Variants in VGLL3 observed in about 807,000 individuals in gnomAD.
VGLL3 encodes the protein vestigial like family member 3, also known as transcription cofactor vestigial-like protein 3.
VGLL3 carries 18 observed loss-of-function variants against 29.2 expected under a neutral mutation model. The observed-to-expected ratio is 0.62, with a 90% CI of 0.43 to 0.91. The LOEUF is 0.91. Among genes scored for constraint, VGLL3 ranks in the 40% least tolerant of loss-of-function variants. The pLI is 0.00. For synonymous variants in VGLL3, 180 were observed against 151.8 expected, an observed-to-expected ratio of 1.19 and a Z score of -1.36; for missense variants, 440 against 413.2, an observed-to-expected ratio of 1.06 and a Z score of -0.56.
At chr3:86,962,827 CCAAAATAGGGAAGCCAGCCTTCACTATT>C (rs574198579) in intron 3 of VGLL3, 10,509 of 147,450 alleles carry the variant, frequency 0.071, 1,428 homozygotes, top group African/African-American at 0.23. Flanking sequence ...ACCAGCCTGG[CCAAAATAGGGAAGCCAGCCTTCACTATT>C]CAAAATAGGG....
intron 1 of VGLL3, among the ~76,000 whole-genome samples, chr3:86,980,812 C>T (rs925292340): frequency 1.3e-5 from 2 of 151,514 alleles, no homozygotes; most frequent in Non-Finnish European, 2.9e-5. Flanking sequence ...GCTGAATATT[C>T]GGGCACATTA....
At chr3:86,960,514 A>C (rs1410385848) in intron 3 of VGLL3, among the ~76,000 whole-genome samples, 1 of 152,122 alleles carries the variant, frequency 6.6e-6, no homozygotes, top group East Asian at 1.9e-4. Flanking sequence ...AGTAAAGTTT[A>C]TTGCTATGAA....
At position 86,946,139 on chromosome 3, in the gene VGLL3, G is replaced by A. The variant is rs1159323488; in HGVS notation, c.*885C>T. ...CCTCTGGTTCCATTTATCAAATTTGGATGGGCTAGAAAGAGAATTAGTCTC... is the reference window on the plus strand; with the variant it reads ...CCTCTGGTTCCATTTATCAAATTTGAATGGGCTAGAAAGAGAATTAGTCTC... On this transcript the variant is annotated 3_prime_UTR_variant, in exon 4 of 4. Transcript: ENST00000398399. The A allele has an allele frequency of 6.6e-6, 1 of 151,944 alleles. No individual in the cohort carries two copies. Among genetic ancestry groups the A allele is most frequent in the African/African-American group, 2.4e-5 (1 of 41,346 alleles). The allele number at this position is 151,944 out of a possible 1,614,324, so 9.4% of individuals were successfully genotyped here.
At chr3:86,980,204 T>C (rs533441806) in intron 1 of VGLL3, among the ~76,000 whole-genome samples, 2 of 151,516 alleles carry the variant, frequency 1.3e-5, no homozygotes, top group Admixed American at 6.6e-5. Context: ...CACTCCAGAA[T>C]ACCCAGTAAT....
At chr3:86,964,188 G>T (rs2107002967) in intron 3 of VGLL3, among the ~76,000 whole-genome samples, 1 of 152,270 alleles carries the variant, frequency 6.6e-6, no homozygotes, top group East Asian at 1.9e-4. Flanking sequence ...AAGTTTTATT[G>T]GAACACAACT....
At chr3:86,970,487 A>G (rs1368316071) in intron 2 of VGLL3, among the ~76,000 whole-genome samples, 2 of 106,614 alleles carry the variant, frequency 1.9e-5, no homozygotes, top group Admixed American at 8.5e-5. Context: ...ACACACGCAC[A>G]CACACACACA....
At chr3:86,956,658 G>A (rs1169400192) in intron 3 of VGLL3, among the ~76,000 whole-genome samples, 3 of 151,830 alleles carry the variant, frequency 2.0e-5, no homozygotes, top group Admixed American at 2.0e-4. Flanking sequence ...TGTTGGCGGC[G>A]CCTGTAGTCC....
intron 3 of VGLL3, among the ~76,000 whole-genome samples, chr3:86,956,831 A>T (rs928544492): frequency 6.6e-6 from 1 of 151,580 alleles, no homozygotes; most frequent in Non-Finnish European, 1.5e-5. Flanking sequence ...AATACTTAAG[A>T]TAACGAGGGA....
chr3:86,949,911 A>T (rs1022119055), intron 3 of VGLL3, among the ~76,000 whole-genome samples: 2 of 152,124 alleles, frequency 1.3e-5, no homozygotes, highest in Non-Finnish European at 2.9e-5. Context: ...GTAATGGTAG[A>T]TTGGAAAAAT....
chr3:86,947,934 G>A lies in VGLL3; in HGVS notation c.938-867C>T, dbSNP rs181957166. On this transcript the variant is annotated intron_variant, in intron 3 of 3. Transcript: ENST00000398399. ...TAGCACCTTCAATTTGCACGTACTCGAAGTTACTTTTATTTTGTTTTTTTT... is the reference window on the plus strand; with the variant it reads ...TAGCACCTTCAATTTGCACGTACTCAAAGTTACTTTTATTTTGTTTTTTTT... 6.2e-3 allele frequency among the ~76,000 whole-genome samples: 945 copies of A among 151,764 alleles called. 7 individuals are homozygous for A. The highest frequency in any genetic ancestry group is 0.022 in the African/African-American group (911 of 41,394).
chr3:86,954,628 T>C (rs1193679961), intron 3 of VGLL3, among the ~76,000 whole-genome samples: 2 of 152,166 alleles, frequency 1.3e-5, no homozygotes, highest in Non-Finnish European at 2.9e-5. Context: ...GGTAGTTTTT[T>C]TTATCATAGT....
chr3:86,973,392 T>C (rs964499127), intron 2 of VGLL3, among the ~76,000 whole-genome samples: 4 of 152,236 alleles, frequency 2.6e-5, no homozygotes, highest in Non-Finnish European at 4.4e-5. Flanking sequence ...GTGTTCTTGC[T>C]GTAATTTCAT....
intron 3 of VGLL3, chr3:86,962,507 T>C: frequency 1.0e-6 from 1 of 985,274 alleles, no homozygotes; most frequent in Non-Finnish European, 1.2e-6. Flanking sequence ...AACTCTACTA[T>C]AATATGTTGT....
At chr3:86,973,741 G>T (rs1232725910) in intron 2 of VGLL3, among the ~76,000 whole-genome samples, 1 of 152,082 alleles carries the variant, frequency 6.6e-6, no homozygotes, top group Non-Finnish European at 1.5e-5. Context: ...TTCTCCATTT[G>T]ACTATTTAGG....
chr3:86,987,381 C>T (rs1705469143), intron 1 of VGLL3, among the ~76,000 whole-genome samples: 1 of 152,108 alleles, frequency 6.6e-6, no homozygotes, highest in South Asian at 2.1e-4. Flanking sequence ...GCAGATTCAT[C>T]CAGCTGTTAC....
At chr3:86,971,262 C>T (rs1705094888) in intron 2 of VGLL3, among the ~76,000 whole-genome samples, 1 of 152,154 alleles carries the variant, frequency 6.6e-6, no homozygotes, top group Non-Finnish European at 1.5e-5. Context: ...TAACATAATT[C>T]GGCATTACTG....
chr3:86,964,207 A>G (rs927805836), intron 3 of VGLL3, among the ~76,000 whole-genome samples: 1 of 152,220 alleles, frequency 6.6e-6, no homozygotes, highest in African/African-American at 2.4e-5. Flanking sequence ...CTATCTTCAT[A>G]TAAGTTTTGT....
intron 3 of VGLL3, among the ~76,000 whole-genome samples, chr3:86,964,240 T>G (rs918748726): frequency 6.6e-6 from 1 of 152,198 alleles, no homozygotes. Flanking sequence ...CTGTACCACA[T>G]GAGCAGAGTA....
chr3:86,960,707 G>T (rs377738402), intron 3 of VGLL3, among the ~76,000 whole-genome samples: 1 of 152,058 alleles, frequency 6.6e-6, no homozygotes, highest in East Asian at 1.9e-4. Context: ...AAGGTATCTT[G>T]CTAAGTAAGA....
Sources: allele counts gnomAD v4.1 joint callset (sites outside exome capture counted in the v4.1 genomes callset), GRCh38; gene constraint gnomAD v4.1.1; transcripts MANE v1.5; gene names NCBI Gene and HGNC (gene_info 2026-07-23, HGNC 2026-07-21).